Variants in MCPH1 observed in about 807,000 individuals in gnomAD.
The protein encoded by MCPH1 is microcephalin 1.
In MCPH1, 104 loss-of-function variants were observed where a neutral mutation model predicts 84.5. The observed-to-expected ratio is 1.23, with a 90% CI of 1.05 to 1.45. The LOEUF (loss-of-function observed/expected upper bound fraction) is 1.45. Ranked by LOEUF, MCPH1 falls within the 40% of genes most tolerant of loss-of-function variation. The probability of loss-of-function intolerance (pLI) is 0.00; values close to 1 mark genes in which losing one functional copy is unlikely to be tolerated. For synonymous variants in MCPH1, 514 were observed against 366.8 expected (o/e 1.40, Z -4.58); for missense variants, 1,498 against 1,005.7 (o/e 1.49, Z -6.62).
chr8:6,465,798 G>C (rs376822056), intron 9 of MCPH1, among the ~76,000 whole-genome samples: 16 of 152,288 alleles, frequency 1.1e-4, no homozygotes, highest in African/African-American at 3.6e-4. Context: ...TAGACACACA[G>C]AAATGCACAG....
At chr8:6,407,002 G>T in intron 1 of MCPH1, 1 of 383,016 alleles carries the variant, frequency 2.6e-6, no homozygotes, top group Non-Finnish European at 4.6e-6. Flanking sequence ...CAACCCCCGT[G>T]CTGCTAGTTC....
At chr8:6,612,413 G>A (rs936374756) in intron 12 of MCPH1, among the ~76,000 whole-genome samples, 1 of 152,092 alleles carries the variant, frequency 6.6e-6, no homozygotes, top group Admixed American at 6.5e-5. Flanking sequence ...CCTTCTCCAC[G>A]TGCCGCCTGG....
chr8:6,511,496 A>C (rs1307037397), intron 12 of MCPH1, among the ~76,000 whole-genome samples: 2 of 152,188 alleles, frequency 1.3e-5, no homozygotes, highest in Non-Finnish European at 2.9e-5. Context: ...GCATTTATGC[A>C]TTTCTTATAA....
At chr8:6,563,846 C>G (rs1004622215) in intron 12 of MCPH1, among the ~76,000 whole-genome samples, 1 of 152,102 alleles carries the variant, frequency 6.6e-6, no homozygotes, top group African/African-American at 2.4e-5. Context: ...AGTTTCTGAG[C>G]TCTGACCTTT....
At chr8:6,559,862 G>A (rs914669575) in intron 12 of MCPH1, among the ~76,000 whole-genome samples, 1 of 152,222 alleles carries the variant, frequency 6.6e-6, no homozygotes, top group Admixed American at 6.5e-5. Context: ...GCGATCATGA[G>A]TTTATCTGAT....
intron 12 of MCPH1, among the ~76,000 whole-genome samples, chr8:6,539,179 G>T (rs55702698): frequency 0.017 from 2,644 of 152,280 alleles, 70 homozygotes; most frequent in African/African-American, 0.056. Context: ...TAAACCCCTC[G>T]CCAGAGCCTG....
chr8:6,534,991 A>C (rs1224159881), intron 12 of MCPH1, among the ~76,000 whole-genome samples: 5 of 152,216 alleles, frequency 3.3e-5, no homozygotes, highest in African/African-American at 1.2e-4. Context: ...TCCTCACAGC[A>C]CCCCAGCCAA....
intron 11 of MCPH1, among the ~76,000 whole-genome samples, chr8:6,488,276 G>T (rs1810169648): frequency 6.6e-6 from 1 of 152,220 alleles, no homozygotes; most frequent in African/African-American, 2.4e-5. Flanking sequence ...TGGAGCCGCT[G>T]TGCTTCCCAG....
chr8:6,422,589 TTC>T (rs758419572), intron 3 of MCPH1, among the ~76,000 whole-genome samples: 1 of 151,820 alleles, frequency 6.6e-6, no homozygotes, highest in Non-Finnish European at 1.5e-5. Flanking sequence ...TCTATCCCCT[TTC>T]TCTCTCTCTC....
intron 3 of MCPH1, among the ~76,000 whole-genome samples, chr8:6,415,345 T>C (rs1056548854): frequency 6.6e-6 from 1 of 150,704 alleles, no homozygotes; most frequent in African/African-American, 2.5e-5. Context: ...TAGAGTGCAG[T>C]AGCTGGATCT....
intron 11 of MCPH1, among the ~76,000 whole-genome samples, chr8:6,481,356 C>T (rs939309680): frequency 6.6e-6 from 1 of 152,154 alleles, no homozygotes; most frequent in Non-Finnish European, 1.5e-5. Flanking sequence ...CTATCTGTAA[C>T]ATTATTTGCC....
chr8:6,511,327 A>G (rs1815048906), intron 12 of MCPH1, among the ~76,000 whole-genome samples: 1 of 151,822 alleles, frequency 6.6e-6, no homozygotes, highest in Non-Finnish European at 1.5e-5. Context: ...GCCAGGGATG[A>G]TTTTATATAA....
chr8:6,492,002 T>A (rs1421488378), intron 11 of MCPH1, among the ~76,000 whole-genome samples: 6 of 152,230 alleles, frequency 3.9e-5, no homozygotes, highest in Non-Finnish European at 1.5e-5. Context: ...AGTAATGGGA[T>A]GGCTGGATCA....
intron 11 of MCPH1, among the ~76,000 whole-genome samples, chr8:6,488,264 G>A (rs1411967634): frequency 1.3e-5 from 2 of 152,236 alleles, no homozygotes; most frequent in Admixed American, 6.5e-5. Context: ...CATTTCCCAG[G>A]TTGGAGCCGC....
At chr8:6,409,046 G>A (rs148784485) in intron 1 of MCPH1, among the ~76,000 whole-genome samples, 4 of 151,878 alleles carry the variant, frequency 2.6e-5, no homozygotes, top group Non-Finnish European at 5.9e-5. Context: ...CACCATGCTC[G>A]GCTAATTTTT....
At chr8:6,597,682 C>T (rs969038533) in intron 12 of MCPH1, among the ~76,000 whole-genome samples, 1 of 152,164 alleles carries the variant, frequency 6.6e-6, no homozygotes, top group Non-Finnish European at 1.5e-5. Flanking sequence ...GAGTTTCCCT[C>T]TCTTTGCTAA....
chr8:6,557,282 A>C (rs1210355141), intron 12 of MCPH1, among the ~76,000 whole-genome samples: 1 of 152,134 alleles, frequency 6.6e-6, no homozygotes, highest in African/African-American at 2.4e-5. Flanking sequence ...CCCCGTGTTT[A>C]TAAGGGACTT....
chr8:6,422,097 G>A (rs1024688344), intron 3 of MCPH1, among the ~76,000 whole-genome samples: 4 of 152,036 alleles, frequency 2.6e-5, no homozygotes, highest in African/African-American at 9.7e-5. Context: ...AACTTATTTT[G>A]TTCATTTGAC....
intron 7 of MCPH1, among the ~76,000 whole-genome samples, chr8:6,443,902 G>A (rs575836301): frequency 1.3e-5 from 2 of 152,340 alleles, no homozygotes; most frequent in East Asian, 3.9e-4. Flanking sequence ...AAACATTAAA[G>A]CCTACCAAAT....
Sources: gnomAD v4.1 joint callset for allele counts (sites outside exome capture counted in the v4.1 genomes callset) on GRCh38, gnomAD v4.1.1 for gene constraint, MANE v1.5 for transcripts, NCBI Gene and HGNC (gene_info 2026-07-23, HGNC 2026-07-21) for gene names.